CRPPA: variants seen among roughly 807,000 people sequenced by gnomAD.
CRPPA encodes the protein D-ribitol-5-phosphate cytidylyltransferase.
In CRPPA, 43 loss-of-function variants were observed where a neutral mutation model predicts 52.0. The ratio of observed to expected loss-of-function variants is 0.83; its 90% confidence interval spans 0.65 to 1.07. The LOEUF is 1.07. Ranked by LOEUF, CRPPA falls within the 50% of genes least tolerant of loss-of-function variation. The pLI is 0.00. For synonymous variants in CRPPA, 250 were observed against 203.5 expected (o/e 1.23, Z -1.94); for missense variants, 629 against 551.7 (o/e 1.14, Z -1.40).
intron 9 of CRPPA, among the ~76,000 whole-genome samples, chr7:16,105,720 T>A (rs77332294): frequency 0.038 from 5,743 of 151,922 alleles, 293 homozygotes; most frequent in East Asian, 0.26. Flanking sequence ...AAAACTTGAG[T>A]CCTAGACATC....
At position 16,090,018 on chromosome 7, in the gene CRPPA, T is replaced by C. The variant is rs1528136; in HGVS notation, c.*1677A>G. 109,460 of 152,670 alleles carry C rather than the reference T, an allele frequency of 0.72. 40,794 individuals are homozygous for C. The highest frequency in any genetic ancestry group is 0.93 in the East Asian group (4,814 of 5,164). 9.5% of individuals were successfully genotyped at this position (152,670 alleles called of 1,614,324 possible). On this transcript the variant is annotated 3_prime_UTR_variant, in exon 10 of 10. Coordinates refer to ENST00000407010, the MANE Select transcript of CRPPA (RefSeq NM_001101426.4). ...CTTCAACAGGTGCATGTTGGGGACT[T>C]GGCAGCTGTGGTTTTCGTCACACAC... is the stretch of plus-strand genomic sequence containing the variant.
intron 2 of CRPPA, among the ~76,000 whole-genome samples, chr7:16,400,271 T>C (rs919992530): frequency 1.3e-5 from 2 of 152,176 alleles, no homozygotes; most frequent in African/African-American, 4.8e-5. Context: ...TGTCACGTGA[T>C]TACCTGTGTG....
chr7:16,236,382 G>A (rs1214383214), intron 8 of CRPPA, among the ~76,000 whole-genome samples: 1 of 152,066 alleles, frequency 6.6e-6, no homozygotes, highest in East Asian at 1.9e-4. Context: ...TTAAGCTTAA[G>A]TATTGAGCAT....
rs111759965 is a variant in CRPPA at position 16,309,264 on chromosome 7, G to A, written c.685-637C>T. 7.5e-3 allele frequency among the ~76,000 whole-genome samples: 1,143 copies of A among 152,226 alleles called. 20 individuals are homozygous for A. The highest frequency in any genetic ancestry group is 0.027 in the African/African-American group (1,114 of 41,510). On this transcript the variant is annotated intron_variant, in intron 3 of 9. Transcript: ENST00000407010. ...AGTAATAATACAATTCAGCTGAACA[G>A]TACTCAGGGTACCTATCCTGTCTCC... is the stretch of plus-strand genomic sequence containing the variant.
At chr7:16,328,935 T>C (rs992033196) in intron 3 of CRPPA, among the ~76,000 whole-genome samples, 7 of 152,190 alleles carry the variant, frequency 4.6e-5, no homozygotes, top group Non-Finnish European at 8.8e-5. Flanking sequence ...GTTTGGGCCA[T>C]AGGACGAAAC....
chr7:16,419,250 T>C (rs568696189), intron 1 of CRPPA, among the ~76,000 whole-genome samples: 2 of 152,312 alleles, frequency 1.3e-5, no homozygotes, highest in South Asian at 2.1e-4. Flanking sequence ...GAAAGTAAAA[T>C]AGTCATATGA....
chr7:16,180,500 G>C (rs1781389895), intron 9 of CRPPA, among the ~76,000 whole-genome samples: 1 of 152,066 alleles, frequency 6.6e-6, no homozygotes, highest in Non-Finnish European at 1.5e-5. Flanking sequence ...TGTAATGGTA[G>C]TTTCATCGAT....
chr7:16,419,082 G>A (rs1334368675), intron 1 of CRPPA, among the ~76,000 whole-genome samples: 1 of 152,096 alleles, frequency 6.6e-6, no homozygotes, highest in Non-Finnish European at 1.5e-5. Flanking sequence ...TTCATGAAAT[G>A]GTTTCAGGGA....
intron 9 of CRPPA, among the ~76,000 whole-genome samples, chr7:16,136,615 A>G (rs1306941548): frequency 6.6e-6 from 1 of 151,076 alleles, no homozygotes; most frequent in African/African-American, 2.4e-5. Context: ...AATATCACAC[A>G]TTCTTAAGGA....
rs560208627 is a variant in CRPPA, at chr7:16,400,814, C to T, written c.534+5247G>A. ...ACATATGCCCAACACATGCCTGACA[C>T]GTGTGTGACATTTATAAAAGTTATA... is the stretch of plus-strand genomic sequence containing the variant. On this transcript the variant is annotated intron_variant, in intron 2 of 9. Transcript: ENST00000407010. Among the ~76,000 whole-genome samples the T allele has an allele frequency of 2.6e-3, 393 of 152,312 alleles. 1 individual carries two copies. The highest frequency in any genetic ancestry group is 4.4e-3 in the Non-Finnish European group (301 of 68,030).
intron 2 of CRPPA, among the ~76,000 whole-genome samples, chr7:16,390,912 T>C (rs1232389949): frequency 6.6e-6 from 1 of 152,198 alleles, no homozygotes; most frequent in Admixed American, 6.5e-5. Flanking sequence ...TTTGGTCTGT[T>C]AGGCTTAGTT....
intron 1 of CRPPA, among the ~76,000 whole-genome samples, chr7:16,417,289 G>A (rs1226941281): frequency 6.6e-6 from 1 of 152,236 alleles, no homozygotes. Context: ...AATCTCATTA[G>A]TGGGTATATA....
chr7:16,140,204 G>C (rs997834733), intron 9 of CRPPA, among the ~76,000 whole-genome samples: 2 of 152,094 alleles, frequency 1.3e-5, no homozygotes, highest in African/African-American at 4.8e-5. Context: ...CTGGACTGCA[G>C]TGGTGTGATC....
chr7:16,161,094 T>C (rs1239855782), intron 9 of CRPPA, among the ~76,000 whole-genome samples: 3 of 152,146 alleles, frequency 2.0e-5, no homozygotes, highest in African/African-American at 4.8e-5. Flanking sequence ...CATTGTCTCA[T>C]ATACAATATA....
intron 9 of CRPPA, among the ~76,000 whole-genome samples, chr7:16,186,742 G>C (rs1781511454): frequency 6.6e-6 from 1 of 152,024 alleles, no homozygotes; most frequent in South Asian, 2.1e-4. Context: ...CTGATTTTTT[G>C]TAAGCTCAAA....
intron 9 of CRPPA, among the ~76,000 whole-genome samples, chr7:16,129,148 C>T (rs1309897900): frequency 6.6e-6 from 1 of 152,090 alleles, no homozygotes; most frequent in Non-Finnish European, 1.5e-5. Flanking sequence ...ATCATGCTCT[C>T]CCTTTCTCTC....
chr7:16,310,370 G>A (rs549702665), intron 3 of CRPPA, among the ~76,000 whole-genome samples: 19 of 152,138 alleles, frequency 1.2e-4, no homozygotes, highest in Non-Finnish European at 2.1e-4. Context: ...CAGTCAACAC[G>A]CCCCAAGTAG....
intron 2 of CRPPA, among the ~76,000 whole-genome samples, chr7:16,396,446 C>T (rs1336446332): frequency 1.3e-5 from 2 of 152,110 alleles, no homozygotes; most frequent in East Asian, 3.9e-4. Context: ...ATGCTAAAAA[C>T]GGAACACTTC....
chr7:16,234,315 T>A (rs960987883), intron 8 of CRPPA, among the ~76,000 whole-genome samples: 1 of 152,110 alleles, frequency 6.6e-6, no homozygotes. Context: ...CAAAGGTTAA[T>A]ACTACTGTTC....
Sources: gnomAD v4.1 joint callset for allele counts (sites outside exome capture counted in the v4.1 genomes callset) on GRCh38, gnomAD v4.1.1 for gene constraint, MANE v1.5 for transcripts, NCBI Gene and HGNC (gene_info 2026-07-23, HGNC 2026-07-21) for gene names.